Variants in STK32B observed in about 807,000 individuals in gnomAD.
STK32B encodes the protein serine/threonine-protein kinase 32B.
STK32B carries 43 observed loss-of-function variants against 52.6 expected under a neutral mutation model. That is an observed-to-expected ratio of 0.82 (90% CI 0.64 to 1.05). STK32B has a LOEUF of 1.05. STK32B is among the 50% of genes least tolerant of loss of function. The pLI is 0.00. For missense variants in STK32B, 621 were observed against 534.6 expected, an observed-to-expected ratio of 1.16 and a Z score of -1.59; for synonymous variants, 238 against 204.3, an observed-to-expected ratio of 1.17 and a Z score of -1.41.
the STK32B span, among the ~76,000 whole-genome samples, chr4:5,039,938 G>A: frequency 3.3e-5 from 5 of 152,162 alleles, no homozygotes; most frequent in African/African-American, 4.8e-5. Flanking sequence ...GGCAGTAGGC[G>A]GTCCAGGTCA....
chr4:5,050,783 T>A (rs906482069), upstream of STK32B, among the ~76,000 whole-genome samples: 1 of 152,134 alleles, frequency 6.6e-6, no homozygotes, highest in African/African-American at 2.4e-5. Flanking sequence ...CACCCGCAAC[T>A]GTGGCGCGTA....
intron 3 of STK32B, among the ~76,000 whole-genome samples, chr4:5,289,949 T>G (rs1022313570): frequency 1.3e-5 from 2 of 152,036 alleles, no homozygotes; most frequent in African/African-American, 2.4e-5. Flanking sequence ...GTACAGATTA[T>G]TTCATCACCC....
At chr4:5,246,522 C>T (rs1288454112) in intron 3 of STK32B, among the ~76,000 whole-genome samples, 1 of 152,144 alleles carries the variant, frequency 6.6e-6, no homozygotes, top group Non-Finnish European at 1.5e-5. Flanking sequence ...GTTCAAACTT[C>T]CTCCTTTAGC....
chr4:5,410,346 G>C (rs1290834978), intron 5 of STK32B, among the ~76,000 whole-genome samples: 1 of 151,736 alleles, frequency 6.6e-6, no homozygotes, highest in African/African-American at 2.4e-5. Context: ...GGGGAGAGAT[G>C]TTCACCTGAG....
chr4:5,468,208 C>T, intron 11 of STK32B, 138 bp downstream of exon 11: 1 of 808,662 alleles, frequency 1.2e-6, no homozygotes, highest in South Asian at 1.6e-5. Context: ...AGACACAGGG[C>T]TCTGGTGGGG....
Position 5,273,914 on chromosome 4 carries a change from C to T in STK32B, c.261-57306C>T, listed in dbSNP as rs551050690. 4.6e-3 allele frequency among the ~76,000 whole-genome samples: 688 copies of T among 150,204 alleles called. 5 individuals carry two copies. Among genetic ancestry groups the T allele is most frequent in the African/African-American group, 0.015 (611 of 40,794 alleles). On this transcript the variant is annotated intron_variant, in intron 3 of 11. Coordinates refer to ENST00000282908, the MANE Select transcript of STK32B (RefSeq NM_018401.3). ...CTAGATGACGAGTTAGTGGGTGTAG[C>T]GCACCAGCATGACACATGTATACAT...
At chr4:5,357,085 G>A (rs1485021326) in intron 4 of STK32B, among the ~76,000 whole-genome samples, 8 of 121,296 alleles carry the variant, frequency 6.6e-5, no homozygotes, top group South Asian at 2.6e-4. Context: ...ACACACACAC[G>A]TATACACACA....
In STK32B at chr4:5,312,304, ATAC is replaced by A. The variant is rs201824122; in HGVS notation, c.261-18914_261-18912del. Among the ~76,000 whole-genome samples, 637 of 149,638 alleles carry A rather than the reference ATAC, an allele frequency of 4.3e-3. 3 individuals carry two copies. Among genetic ancestry groups the A allele is most frequent in the African/African-American group, 0.014 (561 of 40,158 alleles). On this transcript the variant is annotated intron_variant, in intron 3 of 11. Coordinates refer to ENST00000282908, the MANE Select transcript of STK32B (RefSeq NM_018401.3). Reference sequence around the variant, plus strand: ...AGGTTTCTTTTTTTATTTTGTTATTATACTTTAAGTTTTAGGGTACATGTGCAC... The same window carrying A: ...AGGTTTCTTTTTTTATTTTGTTATTATTTAAGTTTTAGGGTACATGTGCAC...
At chr4:5,233,475 A>C (rs1724415670) in intron 3 of STK32B, among the ~76,000 whole-genome samples, 2 of 152,062 alleles carry the variant, frequency 1.3e-5, no homozygotes, top group Admixed American at 1.3e-4. Context: ...TGCTTAAAGG[A>C]CTGGCAGTAT....
intron 11 of STK32B, among the ~76,000 whole-genome samples, chr4:5,487,573 C>G (rs1719335060): frequency 6.6e-6 from 1 of 152,106 alleles, no homozygotes; most frequent in East Asian, 1.9e-4. Flanking sequence ...ACTGGGTTGA[C>G]TTAAAGAAGA....
rs34791116 is a variant in STK32B, at chr4:5,453,224, GGA to G, written c.667-3563_667-3562del. ...AAGGAGAGAGAATTACAGAGATTAG[GGA>G]GAGAGAGAGAGAGAGAGAGTAGCTC... On this transcript the variant is annotated intron_variant, in intron 7 of 11. Transcript: ENST00000282908. The surrounding 1 kb of genome is among the most constrained non-coding windows in gnomAD (Gnocchi z 4.0). 0.33 allele frequency among the ~76,000 whole-genome samples: 50,198 copies of G among 150,472 alleles called. 9,220 individuals carry two copies. The highest frequency in any genetic ancestry group is 0.42 in the Non-Finnish European group (28,464 of 67,548).
intron 1 of STK32B, among the ~76,000 whole-genome samples, chr4:5,125,878 C>T (rs1420479644): frequency 6.6e-6 from 1 of 152,204 alleles, no homozygotes; most frequent in Non-Finnish European, 1.5e-5. Context: ...GGGGCTGCCT[C>T]TTATTCCCAT....
chr4:5,147,236 A>G (rs60401342), intron 2 of STK32B, among the ~76,000 whole-genome samples: 11,711 of 152,022 alleles, frequency 0.077, 634 homozygotes, highest in African/African-American at 0.15. Context: ...TTAGTTTTTA[A>G]TTGTTTACTA....
At chr4:5,209,301 A>G (rs1422572628) in intron 3 of STK32B, among the ~76,000 whole-genome samples, 1 of 152,172 alleles carries the variant, frequency 6.6e-6, no homozygotes, top group Non-Finnish European at 1.5e-5. Flanking sequence ...AGCTCACTGC[A>G]GCCTCAAAAT....
At chr4:5,231,809 A>G (rs13121716) in intron 3 of STK32B, among the ~76,000 whole-genome samples, 1 of 152,068 alleles carries the variant, frequency 6.6e-6, no homozygotes. Context: ...TGAAGAGTTG[A>G]AGAGAAAGAG....
the STK32B span, among the ~76,000 whole-genome samples, chr4:5,027,981 C>G: frequency 6.6e-6 from 1 of 152,350 alleles, no homozygotes; most frequent in Non-Finnish European, 1.5e-5. Flanking sequence ...ACATCATCAG[C>G]TGCCCTGCGG....
chr4:5,340,359 G>A (rs142674025), intron 4 of STK32B, among the ~76,000 whole-genome samples: 20 of 152,276 alleles, frequency 1.3e-4, no homozygotes, highest in South Asian at 1.2e-3. Context: ...TGCCACAGTC[G>A]GTCTGTGATT....
chr4:5,050,638 A>T (rs574037738), upstream of STK32B, among the ~76,000 whole-genome samples: 1 of 152,266 alleles, frequency 6.6e-6, no homozygotes, highest in South Asian at 2.1e-4. Flanking sequence ...GTAGCCAAAG[A>T]TTCCCTGCAG....
chr4:5,282,006 A>G (rs866144488), intron 3 of STK32B, among the ~76,000 whole-genome samples: 1 of 152,176 alleles, frequency 6.6e-6, no homozygotes, highest in Non-Finnish European at 1.5e-5. Context: ...ACATATGCTT[A>G]TGGGTTATAA....
Sources: allele counts gnomAD v4.1 joint callset (sites outside exome capture counted in the v4.1 genomes callset), GRCh38; gene constraint gnomAD v4.1.1; non-coding constraint Gnocchi (gnomAD v3.1); transcripts MANE v1.5; gene names NCBI Gene and HGNC (gene_info 2026-07-23, HGNC 2026-07-21).